The following ANGPTL1 variants were observed in gnomAD, a reference collection of about 807,000 sequenced individuals.
ANGPTL1 encodes angiopoietin like 1, also known as angiopoietin-related protein 1.
ANGPTL1 carries 36 observed loss-of-function variants against 46.7 expected under a neutral mutation model. That is an observed-to-expected ratio of 0.77 (90% CI 0.59 to 1.02). ANGPTL1 has a LOEUF of 1.02. Among genes scored for constraint, ANGPTL1 ranks in the 50% least tolerant of loss-of-function variants. The pLI is 0.00. For missense variants in ANGPTL1, 571 were observed against 594.7 expected (o/e 0.96, Z 0.41); for synonymous variants, 221 against 204.3 (o/e 1.08, Z -0.69).
At chr1:178,852,038 T>C (rs900583006) in intron 5 of ANGPTL1, among the ~76,000 whole-genome samples, 1 of 152,174 alleles carries the variant, frequency 6.6e-6, no homozygotes, top group African/African-American at 2.4e-5. Flanking sequence ...ATCAAGCTTT[T>C]TTGTTATTCC....
chr1:178,864,912 T>C, intron 3 of ANGPTL1, 42 bp downstream of exon 3: 1 of 1,316,996 alleles, frequency 7.6e-7, no homozygotes, highest in East Asian at 2.5e-5. Context: ...CATAAAAATA[T>C]AAACCTCATA....
chr1:178,867,494 A>C (rs998506490), intron 2 of ANGPTL1, among the ~76,000 whole-genome samples: 1 of 152,100 alleles, frequency 6.6e-6, no homozygotes, highest in African/African-American at 2.4e-5. Context: ...AATCCTTGAG[A>C]AGCTAAATCA....
At chr1:178,855,964 TA>T (rs1657510300) in intron 3 of ANGPTL1, among the ~76,000 whole-genome samples, 1 of 148,474 alleles carries the variant, frequency 6.7e-6, no homozygotes, top group Non-Finnish European at 1.5e-5. Flanking sequence ...ATATCTAATA[TA>T]AGAACAAAAA....
intron 1 of ANGPTL1, 88 bp downstream of exon 1, chr1:178,870,653 T>TA (rs965670406): frequency 6.6e-6 from 1 of 152,212 alleles, no homozygotes; most frequent in Non-Finnish European, 1.5e-5. Flanking sequence ...CTTTGTTTAG[T>TA]AAAAGATTCT....
intron 2 of ANGPTL1, among the ~76,000 whole-genome samples, chr1:178,866,359 G>T (rs1032349857): frequency 1.3e-5 from 2 of 152,084 alleles, no homozygotes; most frequent in African/African-American, 4.8e-5. Flanking sequence ...TAAAGTTAAA[G>T]ATTTTAGGGA....
intron 3 of ANGPTL1, among the ~76,000 whole-genome samples, chr1:178,854,988 T>G (rs536392451): frequency 1.3e-5 from 2 of 152,278 alleles, no homozygotes; most frequent in South Asian, 4.1e-4. Flanking sequence ...AAAAAAGAAT[T>G]ACCCTAAAGA....
At chr1:178,861,445 C>T (rs1392778704) in intron 3 of ANGPTL1, among the ~76,000 whole-genome samples, 3 of 149,370 alleles carry the variant, frequency 2.0e-5, no homozygotes, top group Non-Finnish European at 4.4e-5. Context: ...CTGTAGCATT[C>T]GTGGGTTTTT....
At chr1:178,860,909 G>A (rs1657958950) in intron 3 of ANGPTL1, among the ~76,000 whole-genome samples, 2 of 152,108 alleles carry the variant, frequency 1.3e-5, no homozygotes, top group South Asian at 4.1e-4. Flanking sequence ...TTTTTTTCCA[G>A]ACAGATGTAA....
At chr1:178,859,004 A>G (rs1446495466) in intron 3 of ANGPTL1, among the ~76,000 whole-genome samples, 2 of 152,214 alleles carry the variant, frequency 1.3e-5, no homozygotes, top group African/African-American at 2.4e-5. Flanking sequence ...ATTAACTTTC[A>G]GTTAAATATA....
intron 5 of ANGPTL1, 41 bp downstream of exon 5, chr1:178,852,642 A>T: frequency 6.4e-7 from 1 of 1,574,310 alleles, no homozygotes; most frequent in Non-Finnish European, 8.6e-7. Context: ...AATGCATAGA[A>T]GGTGATGATT....
chr1:178,866,287 A>G (rs910885890), intron 2 of ANGPTL1, among the ~76,000 whole-genome samples: 1 of 152,224 alleles, frequency 6.6e-6, no homozygotes, highest in Non-Finnish European at 1.5e-5. Flanking sequence ...GATTCATACC[A>G]TGCAATTCCA....
At chr1:178,862,764 G>T (rs1658124958) in intron 3 of ANGPTL1, among the ~76,000 whole-genome samples, 1 of 152,082 alleles carries the variant, frequency 6.6e-6, no homozygotes, top group Non-Finnish European at 1.5e-5. Flanking sequence ...CTAGTGGAAG[G>T]TCCGCTAGGA....
At chr1:178,862,175 G>T (rs1026001785) in intron 3 of ANGPTL1, among the ~76,000 whole-genome samples, 1 of 151,944 alleles carries the variant, frequency 6.6e-6, no homozygotes, top group East Asian at 1.9e-4. Flanking sequence ...GCCCGGCGAG[G>T]ATATTAATAA....
At position 178,851,169 on chromosome 1, in the gene ANGPTL1, GA is replaced by G; in HGVS notation, c.1435del (p.Ser479ProfsTer2). 2 of 1,613,872 alleles carry G rather than the reference GA, an allele frequency of 1.2e-6. No homozygotes were observed. The highest frequency in any genetic ancestry group is 1.7e-6 in the Non-Finnish European group (2 of 1,179,868). On this transcript the variant is annotated frameshift_variant, in exon 6 of 6. Coordinates refer to ENST00000234816, the MANE Select transcript of ANGPTL1 (RefSeq NM_004673.4). LOFTEE classifies it high-confidence loss of function. Reference sequence around the variant, plus strand: ...GATCATCATCTGAACTGCTCTTAAGGAGTATGACCCGCCTCTGTATTCGGCC... The same window carrying G: ...GATCATCATCTGAACTGCTCTTAAGGGTATGACCCGCCTCTGTATTCGGCC... ...FWAEYRGGSY[S>X]LRAVQMMIKP...
chr1:178,854,036 C>T (rs906834793), intron 3 of ANGPTL1, among the ~76,000 whole-genome samples: 4 of 151,924 alleles, frequency 2.6e-5, no homozygotes, highest in East Asian at 1.9e-4. Flanking sequence ...AATCCTAATA[C>T]ATGTAGAAAA....
chr1:178,852,915 T>C lies in ANGPTL1; in HGVS notation c.1056A>G (p.Gly352=), dbSNP rs548949964. Reference sequence around the variant, plus strand: ...TGCTAAGCATATAGATATTTTCCAGTCCAAGCCAGTATTCTCCGTCAATGT... The same window carrying C: ...TGCTAAGCATATAGATATTTTCCAGCCCAAGCCAGTATTCTCCGTCAATGT... ...FGNIDGEYWL[G]LENIYMLSNQ... The change falls in exon 5 of 6, where the codon GGA becomes GGG. Residue 352 remains glycine (G), a synonymous_variant. Coordinates refer to ENST00000234816, the MANE Select transcript of ANGPTL1 (RefSeq NM_004673.4). The C allele has an allele frequency of 4.9e-5, 79 of 1,613,382 alleles. No homozygotes were observed. In the South Asian group the frequency reaches 6.4e-4, roughly 13 times the overall value.
chr1:178,865,574 G>A lies in ANGPTL1; in HGVS notation c.203C>T (p.Thr68Ile). 1 of 1,613,916 alleles carries A rather than the reference G, an allele frequency of 6.2e-7. No individual in the cohort carries two copies. The highest frequency in any genetic ancestry group is 8.5e-7 in the Non-Finnish European group (1 of 1,179,916). The change falls in exon 3 of 6, where the codon ACC becomes ATC. Residue 68 changes from threonine to isoleucine, a missense_variant. Transcript: ENST00000234816. ...AATGGTACTTGCATCTTGCCCCTTGGTGTTGACACAGATTGGCCCTGTTAT... is the reference window on the plus strand; with the variant it reads ...AATGGTACTTGCATCTTGCCCCTTGATGTTGACACAGATTGGCCCTGTTAT... Reference protein sequence around the residue: ...QRITGPICVNTKGQDASTIKD... With the variant: ...QRITGPICVNIKGQDASTIKD...
intron 3 of ANGPTL1, among the ~76,000 whole-genome samples, chr1:178,861,137 G>A (rs1047029922): frequency 1.3e-5 from 2 of 151,742 alleles, no homozygotes; most frequent in Admixed American, 1.3e-4. Flanking sequence ...GGTAGAACCA[G>A]GTGTTCTTAA....
At position 178,853,603 on chromosome 1, in the gene ANGPTL1, T is replaced by C; in HGVS notation, c.1008A>G (p.Glu336=). The change falls in exon 4 of 6, where the codon GAA becomes GAG. Residue 336 remains glutamate (E), a synonymous_variant. Coordinates refer to ENST00000234816, the MANE Select transcript of ANGPTL1 (RefSeq NM_004673.4). ...DGSVNFFRNW[E]NYKKGFGNID... is the part of the protein sequence containing the mutation. ...TGCATCACTGATTTACCTTATAATT[T>C]TCCCAATTTCTGAAGAAGTTGACAG... 6.3e-7 allele frequency: 1 copy of C among 1,595,676 alleles called. No individual in the cohort carries two copies. Among genetic ancestry groups the C allele is most frequent in the Non-Finnish European group, 8.5e-7 (1 of 1,173,754 alleles).
Sources: gnomAD v4.1 joint callset for allele counts (sites outside exome capture counted in the v4.1 genomes callset) on GRCh38, gnomAD v4.1.1 for gene constraint, MANE v1.5 for transcripts, NCBI Gene and HGNC (gene_info 2026-07-23, HGNC 2026-07-21) for gene names.